Variants in ATG7 observed in about 807,000 individuals in gnomAD.
ATG7 encodes ubiquitin-like modifier-activating enzyme ATG7.
In ATG7, 70 loss-of-function variants were observed where a neutral mutation model predicts 82.4. The observed-to-expected ratio is 0.85, with a 90% CI of 0.70 to 1.04. The LOEUF is 1.04. ATG7 is among the 50% of genes least tolerant of loss of function. The probability of loss-of-function intolerance (pLI) is 0.00; values close to 1 mark genes in which losing one functional copy is unlikely to be tolerated. For synonymous variants in ATG7, 287 were observed against 313.0 expected (o/e 0.92, Z 0.88); for missense variants, 792 against 864.3 (o/e 0.92, Z 1.05).
chr3:11,527,443 C>A (rs1203893836), intron 20 of ATG7, among the ~76,000 whole-genome samples: 1 of 152,116 alleles, frequency 6.6e-6, no homozygotes, highest in Non-Finnish European at 1.5e-5. Flanking sequence ...GAGATAATGT[C>A]ATTCTCTTCT....
chr3:11,541,451 T>C (rs2070826832), intron 20 of ATG7, among the ~76,000 whole-genome samples: 1 of 152,224 alleles, frequency 6.6e-6, no homozygotes, highest in East Asian at 1.9e-4. Flanking sequence ...ATCTGCTGCC[T>C]GAAGCTTTAT....
In ATG7 at chr3:11,342,216, GT is replaced by G; in HGVS notation, c.1063del (p.Ser355LeufsTer16). On this transcript the variant is annotated frameshift_variant, in exon 13 of 21. Transcript: ENST00000693202. LOFTEE classifies it high-confidence loss of function. ...VPTLDLDKVV[S>X]VKCLLLGAGT... is the part of the protein sequence containing the mutation. ...CTACTTTAGACTTGGACAAGGTTGT[GT>G]CTGTCAAATGTCTGCTGCTTGGAGC... 1 of 1,613,664 alleles carries G rather than the reference GT, an allele frequency of 6.2e-7. No individual in the cohort carries two copies. Among genetic ancestry groups the G allele is most frequent in the Non-Finnish European group, 8.5e-7 (1 of 1,179,996 alleles).
chr3:11,347,878 G>T lies in ATG7; in HGVS notation c.1127G>T (p.Gly376Val), dbSNP rs1229931602. The T allele has an allele frequency of 6.2e-7, 1 of 1,613,722 alleles. No individual in the cohort carries two copies. The highest frequency in any genetic ancestry group is 1.3e-5 in the African/African-American group (1 of 75,030). The change falls in exon 14 of 21, where the codon GGT (glycine) becomes GTT (valine). Residue 376 changes from glycine to valine, a missense_variant and splice_region_variant. Physicochemically the swap from Gly to Val is moderately radical, Grantham distance 109 (BLOSUM62 -3). Coordinates refer to ENST00000693202, the MANE Select transcript of ATG7 (RefSeq NM_001349232.2). ...CCATGATCTCCTGTTTCCACACAGG[G>T]TTGGGGCGTGAGACACATCACATTT... ...LGCNVARTLM[G>V]WGVRHITFVD...
chr3:11,535,441 T>C (rs2092772112), intron 20 of ATG7, among the ~76,000 whole-genome samples: 1 of 152,098 alleles, frequency 6.6e-6, no homozygotes, highest in African/African-American at 2.4e-5. Context: ...CGGCCCTCCC[T>C]GAGCAGGTTT....
At chr3:11,305,348 A>G (rs1947547404) in intron 5 of ATG7, among the ~76,000 whole-genome samples, 1 of 152,180 alleles carries the variant, frequency 6.6e-6, no homozygotes, top group African/African-American at 2.4e-5. Flanking sequence ...CTTGGTATGC[A>G]GTTTTCTCCT....
At chr3:11,475,715 A>G (rs1017087551) in intron 20 of ATG7, among the ~76,000 whole-genome samples, 5 of 152,192 alleles carry the variant, frequency 3.3e-5, no homozygotes, top group African/African-American at 1.2e-4. Flanking sequence ...AAAATGTCCC[A>G]GTGTCAGAAT....
intron 17 of ATG7, 78 bp from the exon 18 acceptor site, chr3:11,364,580 AT>A (rs1415620455): frequency 2.0e-6 from 3 of 1,483,680 alleles, no homozygotes; most frequent in East Asian, 2.3e-5. Context: ...TATGAATCTT[AT>A]GTAGATTTCT....
intron 20 of ATG7, among the ~76,000 whole-genome samples, chr3:11,433,289 TAA>T (rs56859088): frequency 0.2 from 16,984 of 83,352 alleles, 1,676 homozygotes; most frequent in Admixed American, 0.3. Context: ...GTCTCTTATT[TAA>T]AAAAAAAAAA....
chr3:11,337,486 C>A (rs201858456), intron 11 of ATG7, among the ~76,000 whole-genome samples: 4,734 of 139,344 alleles, frequency 0.034, 137 homozygotes, highest in South Asian at 0.13. Flanking sequence ...CTCTCTCTCT[C>A]TCTATATATA....
the ATG7 span, chr3:11,568,894 C>A: frequency 2.3e-6 from 3 of 1,318,792 alleles, no homozygotes; most frequent in East Asian, 6.7e-5. The surrounding 1 kb of genome is among the most constrained non-coding windows in gnomAD (Gnocchi z 5.9). Flanking sequence ...CGGCCCCGCC[C>A]CGGGCCTCAT....
intron 20 of ATG7, among the ~76,000 whole-genome samples, chr3:11,439,069 C>CTTTTTTT (rs67206280): frequency 8.2e-6 from 1 of 121,966 alleles, no homozygotes; most frequent in Non-Finnish European, 1.6e-5. Flanking sequence ...TTCTTTCTTT[C>CTTTTTTT]TTTTTTTTTT....
At chr3:11,498,626 A>G (rs1289005010) in intron 20 of ATG7, among the ~76,000 whole-genome samples, 1 of 152,174 alleles carries the variant, frequency 6.6e-6, no homozygotes, top group African/African-American at 2.4e-5. Context: ...CTGGTGCTCC[A>G]AGACCTGCTG....
intron 1 of ATG7, among the ~76,000 whole-genome samples, chr3:11,274,773 G>C (rs759547170): frequency 3.9e-5 from 6 of 151,950 alleles, no homozygotes; most frequent in Non-Finnish European, 7.4e-5. Flanking sequence ...AATAAAAACT[G>C]TACGAGGTGA....
chr3:11,491,408 T>C (rs1172975126), intron 20 of ATG7, among the ~76,000 whole-genome samples: 1 of 152,198 alleles, frequency 6.6e-6, no homozygotes, highest in Non-Finnish European at 1.5e-5. Context: ...TTCTTTGCCT[T>C]TGGTTTGAAT....
chr3:11,558,403 A>G (rs1261149607), downstream of ATG7: 6 of 1,285,682 alleles, frequency 4.7e-6, no homozygotes, highest in East Asian at 2.5e-5. Context: ...GTACAAAAAC[A>G]GAACACAAAT....
intron 19 of ATG7, among the ~76,000 whole-genome samples, chr3:11,421,889 A>G (rs1269057499): frequency 6.6e-6 from 1 of 152,242 alleles, no homozygotes; most frequent in Non-Finnish European, 1.5e-5. Flanking sequence ...GTACATCTCC[A>G]TCAGACCTCC....
chr3:11,403,794 A>G (rs960888738), intron 19 of ATG7, among the ~76,000 whole-genome samples: 15 of 152,220 alleles, frequency 9.9e-5, no homozygotes, highest in African/African-American at 3.6e-4. Context: ...CACATTGGGC[A>G]TTTCAGTGGA....
chr3:11,335,058 A>G (rs572957579), intron 11 of ATG7, among the ~76,000 whole-genome samples: 7 of 151,946 alleles, frequency 4.6e-5, no homozygotes, highest in Non-Finnish European at 8.8e-5. Context: ...CAGCGATTCT[A>G]TGCTCTAACA....
chr3:11,542,096 C>A (rs906165632), intron 20 of ATG7, among the ~76,000 whole-genome samples: 1 of 152,180 alleles, frequency 6.6e-6, no homozygotes, highest in East Asian at 1.9e-4. Context: ...GACAGCATAC[C>A]CCGTTGCTAG....
Sources: allele counts gnomAD v4.1 joint callset (sites outside exome capture counted in the v4.1 genomes callset), GRCh38; gene constraint gnomAD v4.1.1; non-coding constraint Gnocchi (gnomAD v3.1); transcripts MANE v1.5; gene names NCBI Gene and HGNC (gene_info 2026-07-23, HGNC 2026-07-21).